The following SLC9A3 variants were observed in gnomAD, a reference collection of about 807,000 sequenced individuals.
The protein encoded by SLC9A3 is solute carrier family 9 member A3.
SLC9A3 carries 37 observed loss-of-function variants against 86.8 expected under a neutral mutation model. The observed-to-expected ratio is 0.43, with a 90% CI of 0.33 to 0.56. The LOEUF is 0.56. SLC9A3 is among the 20% of genes least tolerant of loss of function. The pLI is 0.06. For missense variants in SLC9A3, 1,011 were observed against 1,171.9 expected (o/e 0.86, Z 2.00); for synonymous variants, 581 against 528.3 (o/e 1.10, Z -1.37).
At position 475,002 on chromosome 5, in the gene SLC9A3, A is replaced by C; in HGVS notation, c.2382T>G (p.Ser794=). 2.5e-6 allele frequency: 4 copies of C among 1,612,002 alleles called. No individual in the cohort carries two copies. The African/African-American group carries it at 4.0e-5, about 16-fold the overall frequency. The part of the protein sequence containing the change: ...SQRARTQIPY[S]PGTFCRLMPF... ...GCATCAGGCGGCAGAAGGTGCCGGG[A>C]GAGTAGGGAATCTGCGTGCGGGCCC... The change falls in exon 16 of 17, where the codon TCT becomes TCG. Residue 794 remains serine, a synonymous_variant. Transcript: ENST00000264938.
intron 2 of SLC9A3, among the ~76,000 whole-genome samples, chr5:490,390 G>A (rs2126628521): frequency 6.6e-6 from 1 of 152,232 alleles, no homozygotes; most frequent in Admixed American, 6.5e-5. Flanking sequence ...GAGTCCTCCA[G>A]GGCTTCATGG....
rs1416922548 is a variant in SLC9A3, at chr5:524,432, C to G, written c.-110G>C. 1 of 334,614 alleles carries G rather than the reference C, an allele frequency of 3.0e-6. No individual in the cohort carries two copies. The highest frequency in any genetic ancestry group is 4.8e-6 in the Non-Finnish European group (1 of 206,690). 20.7% of individuals were successfully genotyped at this position (334,614 alleles called of 1,614,324 possible). ...GCGAGGACCCGGCGCGCTCCGGTGC[C>G]GGTACCGGCTACAGTCCGATCCCCG... On this transcript the variant is annotated 5_prime_UTR_variant, in exon 1 of 17. Coordinates refer to ENST00000264938, the MANE Select transcript of SLC9A3 (RefSeq NM_004174.4).
At chr5:504,430 G>A (rs1740449771) in intron 1 of SLC9A3, among the ~76,000 whole-genome samples, 1 of 152,220 alleles carries the variant, frequency 6.6e-6, no homozygotes, top group Admixed American at 6.5e-5. Context: ...GCTGAACCTT[G>A]AGCCGCTGCA....
chr5:493,967 CT>C (rs1739910346), intron 1 of SLC9A3, among the ~76,000 whole-genome samples: 1 of 152,162 alleles, frequency 6.6e-6, no homozygotes, highest in Admixed American at 6.5e-5. Flanking sequence ...GAGGGAGGGC[CT>C]GGCCTGGAAT....
At position 488,459 on chromosome 5, in the gene SLC9A3, G is replaced by A. The variant is rs1344434518; in HGVS notation, c.532C>T (p.Leu178=). The A allele has an allele frequency of 6.3e-7, 1 of 1,576,130 alleles. No individual in the cohort carries two copies. The highest frequency in any genetic ancestry group is 1.4e-5 in the African/African-American group (1 of 73,700). Residue 178 remains leucine, a synonymous_variant, in exon 3 of 17, where the codon CTG becomes TTG. Coordinates refer to ENST00000264938, the MANE Select transcript of SLC9A3 (RefSeq NM_004174.4). Reference sequence around the variant, plus strand: ...CTGCCAAACAGGAGGAAGTCCAGCAGCCCAATCTGCAGGTCGCCTGGAAGA... The same window carrying A: ...CTGCCAAACAGGAGGAAGTCCAGCAACCCAATCTGCAGGTCGCCTGGAAGA... ...SGLMGDLQIG[L]LDFLLFGSLM...
chr5:483,187 T>C, intron 6 of SLC9A3, 75 bp downstream of exon 6: 1 of 1,169,630 alleles, frequency 8.5e-7, no homozygotes, highest in Non-Finnish European at 1.2e-6. Flanking sequence ...CTGGGCCCAG[T>C]AGAAAGCCTG....
At chr5:505,345 G>A (rs550890277) in intron 1 of SLC9A3, among the ~76,000 whole-genome samples, 1 of 10,882 alleles carries the variant, frequency 9.2e-5, no homozygotes, top group Non-Finnish European at 1.7e-4. Context: ...TGACTGTAGG[G>A]GGGTGGGGAG....
At chr5:493,817 G>A (rs1040027291) in intron 1 of SLC9A3, among the ~76,000 whole-genome samples, 1 of 152,180 alleles carries the variant, frequency 6.6e-6, no homozygotes. Flanking sequence ...TGAGCCCCCC[G>A]ACGGCTCCCC....
At chr5:489,140 T>G (rs1189952814) in intron 2 of SLC9A3, among the ~76,000 whole-genome samples, 2 of 152,260 alleles carry the variant, frequency 1.3e-5, no homozygotes, top group East Asian at 3.9e-4. Flanking sequence ...GGAGGCCACG[T>G]GGGGGTGCCA....
chr5:475,807 G>C, intron 14 of SLC9A3, 136 bp from the exon 15 acceptor site: 1 of 692,042 alleles, frequency 1.4e-6, no homozygotes. Context: ...AAACCGCAGG[G>C]CTGGAGGAGG....
At chr5:475,894 C>T in intron 14 of SLC9A3, 126 bp downstream of exon 14, 3 of 872,292 alleles carry the variant, frequency 3.4e-6, no homozygotes, top group Non-Finnish European at 5.3e-6. Flanking sequence ...CATGCCTCCC[C>T]TGCCTGGGTG....
chr5:473,063 A>G lies in SLC9A3; in HGVS notation c.*316T>C. On this transcript the variant is annotated 3_prime_UTR_variant, in exon 17 of 17. Coordinates refer to ENST00000264938, the MANE Select transcript of SLC9A3 (RefSeq NM_004174.4). ...GCAGCGCGGGGCGGCGGCGCGCGCG[A>G]GGCCGCTGGAACGAGCGCCGGCTGT... 1 of 301,380 alleles carries G rather than the reference A, an allele frequency of 3.3e-6. No individual in the cohort carries two copies. Among genetic ancestry groups the G allele is most frequent in the Non-Finnish European group, 6.0e-6 (1 of 166,686 alleles). The allele number at this position is 301,380 out of a possible 1,614,324, so 18.7% of individuals were successfully genotyped here.
chr5:475,399 T>C (rs1419608466), intron 15 of SLC9A3, 162 bp downstream of exon 15: 2 of 620,366 alleles, frequency 3.2e-6, no homozygotes, highest in Non-Finnish European at 5.7e-6. Context: ...GCCTCCGAGT[T>C]GGTTGAGGGG....
chr5:515,033 C>T (rs1279617342), intron 1 of SLC9A3, among the ~76,000 whole-genome samples: 3 of 152,166 alleles, frequency 2.0e-5, no homozygotes, highest in African/African-American at 2.4e-5. Flanking sequence ...AGGCCGCCCT[C>T]CAGGGACCAG....
chr5:488,167 G>C (rs972997335), intron 3 of SLC9A3, 149 bp downstream of exon 3: 54 of 792,662 alleles, frequency 6.8e-5, no homozygotes, highest in Non-Finnish European at 1.1e-4. Flanking sequence ...TGAGCTGGGA[G>C]GAAGGAGGTG....
Position 475,145 on chromosome 5 carries a change from G to C in SLC9A3, c.2252-13C>G, listed in dbSNP as rs760091656. On this transcript the variant is annotated splice_polypyrimidine_tract_variant and intron_variant, in intron 15 of 16. Coordinates refer to ENST00000264938, the MANE Select transcript of SLC9A3 (RefSeq NM_004174.4). ...GGGTTGTCAATTCCTAGGAGAGAGG[G>C]CAGCGGCTAGTCAGCCTTCGGAGAG... 9.0e-6 allele frequency: 14 copies of C among 1,560,594 alleles called. No individual in the cohort carries two copies. In the South Asian group the frequency reaches 1.5e-4, roughly 17 times the overall value.
rs766434615 is a variant in SLC9A3 at position 475,058 on chromosome 5, A to G, written c.2326T>C (p.Ser776Pro). The change falls in exon 16 of 17, where the codon TCT becomes CCT. Residue 776 changes from serine to proline, a missense_variant. Physicochemically the swap from Ser to Pro is moderately conservative, Grantham distance 74. This residue lies in a region of SLC9A3 where 397 missense variants were observed against 346.3 expected (regional missense o/e 1.15). Transcript: ENST00000264938. ...GAGGGGACCACCGTCTCCCCGGGAGACAGCCAGGGCGGCAGCCTGGCCAGG... is the reference window on the plus strand; with the variant it reads ...GAGGGGACCACCGTCTCCCCGGGAGGCAGCCAGGGCGGCAGCCTGGCCAGG... ...SLLARLPPWLSPGETVVPSQR... is the reference protein window; with the variant it reads ...SLLARLPPWLPPGETVVPSQR... 4 of 1,611,872 alleles carry G rather than the reference A, an allele frequency of 2.5e-6. No individual in the cohort carries two copies. The highest frequency in any genetic ancestry group is 3.3e-5 in the Admixed American group (2 of 59,968).
Position 484,539 on chromosome 5 carries a change from A to T in SLC9A3, c.913T>A (p.Ser305Thr). The change falls in exon 5 of 17, where the codon TCG becomes ACG. Residue 305 changes from serine (S) to threonine (T), a missense_variant. Ser to Thr is a moderately conservative substitution (Grantham distance 58). Around this residue, in one of 3 missense-constraint regions of SLC9A3, gnomAD observed 565 missense variants for 790.0 expected, o/e 0.72. Coordinates refer to ENST00000264938, the MANE Select transcript of SLC9A3 (RefSeq NM_004174.4). ...YLSYLTSEML[S>T]LSAILAITFC... ...ACTCACGCGAGGATGGCCGACAGCG[A>T]CAGCATCTCGGACGTCAGGTAGGAC... 1 of 1,613,182 alleles carries T rather than the reference A, an allele frequency of 6.2e-7. No individual in the cohort carries two copies. Among genetic ancestry groups the T allele is most frequent in the Non-Finnish European group, 8.5e-7 (1 of 1,179,966 alleles).
intron 10 of SLC9A3, 33 bp downstream of exon 10, chr5:479,803 G>A: frequency 1.2e-6 from 2 of 1,609,962 alleles, no homozygotes; most frequent in Non-Finnish European, 1.7e-6. Flanking sequence ...GCCTGCTGCA[G>A]CCCCGACCCG....
Sources: gnomAD v4.1 joint callset for allele counts (sites outside exome capture counted in the v4.1 genomes callset) on GRCh38, gnomAD v4.1.1 for gene constraint, gnomAD v4.1.1 regional missense constraint, MANE v1.5 for transcripts, NCBI Gene and HGNC (gene_info 2026-07-23, HGNC 2026-07-21) for gene names.